GRIA4: variants seen among roughly 807,000 people sequenced by gnomAD.
The protein encoded by GRIA4 is glutamate receptor 4.
In GRIA4, 34 loss-of-function variants were observed where a neutral mutation model predicts 104.0. The observed-to-expected ratio is 0.33, with a 90% CI of 0.25 to 0.44. The LOEUF is 0.44. GRIA4 is among the 20% of genes least tolerant of loss of function. The probability of loss-of-function intolerance (pLI) is 1.00; values close to 1 mark genes in which losing one functional copy is unlikely to be tolerated. For synonymous variants in GRIA4, 386 were observed against 381.9 expected (o/e 1.01, Z -0.13); for missense variants, 750 against 1,096.5 (o/e 0.68, Z 4.46).
Position 105,928,742 on chromosome 11 carries a change from A to C in GRIA4, c.2046+1803A>C, listed in dbSNP as rs144498066. Among the ~76,000 whole-genome samples the C allele has an allele frequency of 4.3e-3, 658 of 152,186 alleles. 9 individuals are homozygous for C. The highest frequency in any genetic ancestry group is 0.015 in the African/African-American group (630 of 41,572). On this transcript the variant is annotated intron_variant, in intron 13 of 16. Coordinates refer to ENST00000282499, the MANE Select transcript of GRIA4 (RefSeq NM_000829.4). ...AAAGGGAAGAAGAAATGCTATATTG[A>C]TTCTGTGAAAATATTTCAAAAGTAA... is the stretch of plus-strand genomic sequence containing the variant.
At chr11:105,967,510 G>A (rs144349459) in intron 14 of GRIA4, among the ~76,000 whole-genome samples, 3 of 152,164 alleles carry the variant, frequency 2.0e-5, no homozygotes, top group East Asian at 1.9e-4. Flanking sequence ...TTCCAAAGCC[G>A]AATTGCTTCT....
intron 4 of GRIA4, among the ~76,000 whole-genome samples, chr11:105,795,586 T>C: frequency 6.6e-6 from 1 of 151,942 alleles, no homozygotes; most frequent in South Asian, 2.1e-4. Context: ...ATTCTAAGGG[T>C]AATGGAAAGC....
At chr11:105,821,830 A>T (rs1467544700) in intron 4 of GRIA4, among the ~76,000 whole-genome samples, 1 of 152,104 alleles carries the variant, frequency 6.6e-6, no homozygotes. Context: ...ACCCACACAC[A>T]CTTAACACAT....
intron 4 of GRIA4, among the ~76,000 whole-genome samples, chr11:105,797,472 C>T (rs1942528803): frequency 6.6e-6 from 1 of 152,202 alleles, no homozygotes; most frequent in Admixed American, 6.5e-5. Context: ...TAAGGTTACA[C>T]TCTAGCTTTC....
intron 7 of GRIA4, among the ~76,000 whole-genome samples, chr11:105,902,255 T>A (rs1420184880): frequency 6.6e-6 from 1 of 152,182 alleles, no homozygotes; most frequent in African/African-American, 2.4e-5. Context: ...ATCCATGTTT[T>A]AGTTTTTCTC....
intron 4 of GRIA4, among the ~76,000 whole-genome samples, chr11:105,827,002 A>AT: frequency 6.6e-6 from 1 of 152,030 alleles, no homozygotes; most frequent in African/African-American, 2.4e-5. Flanking sequence ...ATACCTATGG[A>AT]TTTTTTTCCA....
chr11:105,914,058 G>A (rs1467993286), intron 10 of GRIA4, among the ~76,000 whole-genome samples: 1 of 151,282 alleles, frequency 6.6e-6, no homozygotes, highest in East Asian at 1.9e-4. Context: ...TATATAAAAT[G>A]TATTATATAT....
chr11:105,970,152 C>A (rs1858611254), intron 14 of GRIA4, among the ~76,000 whole-genome samples: 1 of 151,914 alleles, frequency 6.6e-6, no homozygotes, highest in African/African-American at 2.4e-5. Context: ...AGATTTTAAT[C>A]CAAAAAACAA....
intron 4 of GRIA4, among the ~76,000 whole-genome samples, chr11:105,778,722 C>G (rs1941569944): frequency 6.6e-6 from 1 of 151,942 alleles, no homozygotes; most frequent in Non-Finnish European, 1.5e-5. Context: ...AACAAAACAC[C>G]AACTAAGCAT....
chr11:105,755,128 A>C (rs973608088), intron 4 of GRIA4, among the ~76,000 whole-genome samples: 3 of 152,210 alleles, frequency 2.0e-5, no homozygotes, highest in African/African-American at 7.2e-5. Context: ...AGAGGTGATG[A>C]GGGGATGGAA....
At chr11:105,955,384 T>C (rs1437566170) in intron 14 of GRIA4, among the ~76,000 whole-genome samples, 1 of 152,192 alleles carries the variant, frequency 6.6e-6, no homozygotes, top group East Asian at 1.9e-4. Context: ...TTTTGTTTTC[T>C]GTTCCTGTGT....
chr11:105,634,881 A>G (rs1318170021), intron 3 of GRIA4, among the ~76,000 whole-genome samples: 1 of 152,238 alleles, frequency 6.6e-6, no homozygotes, highest in Non-Finnish European at 1.5e-5. Context: ...CCATTCTAAA[A>G]AGTACACATT....
intron 4 of GRIA4, among the ~76,000 whole-genome samples, chr11:105,853,426 C>T (rs1220495071): frequency 6.6e-6 from 1 of 152,078 alleles, no homozygotes; most frequent in South Asian, 2.1e-4. Flanking sequence ...ATATGTGGGA[C>T]TCTGGGCTTC....
At chr11:105,839,703 G>A (rs1433930778) in intron 4 of GRIA4, among the ~76,000 whole-genome samples, 6 of 150,998 alleles carry the variant, frequency 4.0e-5, no homozygotes, top group East Asian at 3.9e-4. Flanking sequence ...GCAAGACTCC[G>A]TCTCAAAAAA....
intron 4 of GRIA4, among the ~76,000 whole-genome samples, chr11:105,851,658 T>C (rs1944816400): frequency 6.6e-6 from 1 of 152,056 alleles, no homozygotes; most frequent in African/African-American, 2.4e-5. Context: ...TTGCATTCCG[T>C]TAAAGGCAAG....
At chr11:105,929,650 T>A (rs1378478750) in intron 13 of GRIA4, among the ~76,000 whole-genome samples, 1 of 152,114 alleles carries the variant, frequency 6.6e-6, no homozygotes, top group Non-Finnish European at 1.5e-5. Flanking sequence ...CATTACTATC[T>A]CAGGGTTTAT....
chr11:105,959,750 G>A (rs750121952), intron 14 of GRIA4, among the ~76,000 whole-genome samples: 10 of 152,078 alleles, frequency 6.6e-5, no homozygotes, highest in Non-Finnish European at 1.0e-4. Flanking sequence ...GTCTAGTTTC[G>A]TTCTTTGAGG....
At chr11:105,701,559 C>A (rs1953493329) in intron 3 of GRIA4, among the ~76,000 whole-genome samples, 1 of 151,978 alleles carries the variant, frequency 6.6e-6, no homozygotes, top group African/African-American at 2.4e-5. Flanking sequence ...GGAGAGAGTG[C>A]ATGTGTTCAT....
At chr11:105,697,151 A>T (rs1953309657) in intron 3 of GRIA4, among the ~76,000 whole-genome samples, 1 of 152,198 alleles carries the variant, frequency 6.6e-6, no homozygotes, top group Non-Finnish European at 1.5e-5. Flanking sequence ...CTATTATAGA[A>T]CAAAAGGAAA....
Sources: gnomAD v4.1 joint callset for allele counts (sites outside exome capture counted in the v4.1 genomes callset) on GRCh38, gnomAD v4.1.1 for gene constraint, MANE v1.5 for transcripts, NCBI Gene and HGNC (gene_info 2026-07-23, HGNC 2026-07-21) for gene names.